Variants in GALNTL6 observed in about 807,000 individuals in gnomAD.
GALNTL6 encodes polypeptide N-acetylgalactosaminyltransferase like 6.
GALNTL6 carries 46 observed loss-of-function variants against 73.7 expected under a neutral mutation model. The observed-to-expected ratio is 0.62, with a 90% CI of 0.49 to 0.80. GALNTL6 has a LOEUF of 0.80. Among genes scored for constraint, GALNTL6 ranks in the 30% least tolerant of loss-of-function variants. The pLI is 0.00. For missense variants in GALNTL6, 604 were observed against 755.0 expected, an observed-to-expected ratio of 0.80 and a Z score of 2.34; for synonymous variants, 259 against 263.7, an observed-to-expected ratio of 0.98 and a Z score of 0.17.
At chr4:172,254,090 C>T (rs1159957640) in intron 3 of GALNTL6, among the ~76,000 whole-genome samples, 4 of 151,782 alleles carry the variant, frequency 2.6e-5, no homozygotes, top group African/African-American at 9.7e-5. Flanking sequence ...CTTACTACTA[C>T]TGATAGTGTA....
At chr4:172,865,822 T>C (rs1367308364) in intron 7 of GALNTL6, among the ~76,000 whole-genome samples, 2 of 152,210 alleles carry the variant, frequency 1.3e-5, no homozygotes, top group Non-Finnish European at 2.9e-5. Context: ...TTATCCTGGG[T>C]CTTTTCATCT....
intron 9 of GALNTL6, among the ~76,000 whole-genome samples, chr4:172,947,363 A>G (rs925796806): frequency 1.3e-5 from 2 of 152,132 alleles, no homozygotes; most frequent in South Asian, 2.1e-4. Context: ...ATGTGTGAAC[A>G]CCCCTGGGAA....
rs189257675 is a variant in GALNTL6, at chr4:172,334,634, A to G, written c.387-13889A>G. 1.6e-4 allele frequency among the ~76,000 whole-genome samples: 25 copies of G among 152,278 alleles called. No homozygotes were observed. The East Asian group carries it at 2.9e-3, about 18-fold the overall frequency. Reference sequence around the variant, plus strand: ...TTCTAGGAGCTGTTTGGCAAAGTCTATAGGGTTTTCTAGACATGTAATCAT... The same window carrying G: ...TTCTAGGAGCTGTTTGGCAAAGTCTGTAGGGTTTTCTAGACATGTAATCAT... On this transcript the variant is annotated intron_variant, in intron 4 of 12. Transcript: ENST00000506823.
intron 3 of GALNTL6, among the ~76,000 whole-genome samples, chr4:172,245,343 C>G (rs984214303): frequency 6.6e-6 from 1 of 152,114 alleles, no homozygotes; most frequent in Non-Finnish European, 1.5e-5. Flanking sequence ...TCTTGAAATT[C>G]CATGAAGTTA....
At chr4:172,446,954 G>A (rs1207380096) in intron 5 of GALNTL6, among the ~76,000 whole-genome samples, 3 of 152,228 alleles carry the variant, frequency 2.0e-5, no homozygotes, top group South Asian at 2.1e-4. Flanking sequence ...ATATTGCTTT[G>A]TGTGAAGTGG....
intron 2 of GALNTL6, among the ~76,000 whole-genome samples, chr4:171,908,737 A>G (rs1267011874): frequency 6.6e-6 from 1 of 150,962 alleles, no homozygotes; most frequent in Non-Finnish European, 1.5e-5. Flanking sequence ...AAGACTTGGA[A>G]CCAACCCAAA....
chr4:171,906,982 A>G (rs1737303913), intron 2 of GALNTL6, among the ~76,000 whole-genome samples: 1 of 152,112 alleles, frequency 6.6e-6, no homozygotes, highest in Non-Finnish European at 1.5e-5. Context: ...TTAGGTATTG[A>G]TGGGACGTAT....
chr4:172,287,317 C>G (rs1421880758), intron 3 of GALNTL6, among the ~76,000 whole-genome samples: 1 of 152,156 alleles, frequency 6.6e-6, no homozygotes, highest in Non-Finnish European at 1.5e-5. Flanking sequence ...GGGCTACCAA[C>G]CACAGCTAAT....
chr4:172,950,592 G>A lies in GALNTL6; in HGVS notation c.1150-1445G>A, dbSNP rs147292956. On this transcript the variant is annotated intron_variant, in intron 9 of 12. Transcript: ENST00000506823. ...ACTGAACACACGGAGTGGATGGAGC[G>A]GAGTAAGAAAATGTACAGTCTCATT... Among the ~76,000 whole-genome samples the A allele has an allele frequency of 1.4e-3, 215 of 152,230 alleles. 2 individuals carry two copies. In the East Asian group the frequency reaches 0.035, roughly 25 times the overall value.
At chr4:172,476,929 T>A in intron 5 of GALNTL6, among the ~76,000 whole-genome samples, 1 of 118,786 alleles carries the variant, frequency 8.4e-6, no homozygotes. Flanking sequence ...AGACTTTTTT[T>A]TTTTTTTTTT....
At chr4:172,420,284 T>C (rs1731005349) in intron 5 of GALNTL6, among the ~76,000 whole-genome samples, 1 of 152,174 alleles carries the variant, frequency 6.6e-6, no homozygotes, top group Non-Finnish European at 1.5e-5. Context: ...CCCTTCTACA[T>C]AGCATTAGGG....
chr4:172,260,284 G>A (rs868327899), intron 3 of GALNTL6, among the ~76,000 whole-genome samples: 5 of 151,840 alleles, frequency 3.3e-5, no homozygotes, highest in Middle Eastern at 3.4e-3. Flanking sequence ...GCAGTGTTTT[G>A]TAGTTTTCTG....
At chr4:172,325,745 C>T (rs1177554737) in intron 4 of GALNTL6, among the ~76,000 whole-genome samples, 1 of 151,530 alleles carries the variant, frequency 6.6e-6, no homozygotes, top group African/African-American at 2.4e-5. Flanking sequence ...TTTCCTAGAA[C>T]AATCACTAAA....
chr4:172,114,254 GA>G (rs1262131863), intron 2 of GALNTL6, among the ~76,000 whole-genome samples: 2 of 152,022 alleles, frequency 1.3e-5, no homozygotes, highest in Middle Eastern at 3.2e-3. Context: ...ATTTTTGTTA[GA>G]AAAGATGCTG....
intron 5 of GALNTL6, among the ~76,000 whole-genome samples, chr4:172,520,856 T>A (rs1734754097): frequency 6.6e-6 from 1 of 152,002 alleles, no homozygotes; most frequent in African/African-American, 2.4e-5. Context: ...ATTTTGTAGA[T>A]GTTCTATTTA....
At chr4:172,852,700 A>G (rs1021123934) in intron 7 of GALNTL6, among the ~76,000 whole-genome samples, 1 of 152,088 alleles carries the variant, frequency 6.6e-6, no homozygotes, top group Non-Finnish European at 1.5e-5. Flanking sequence ...GTGTTTATAT[A>G]CATAGGACTA....
In GALNTL6 at chr4:172,508,554, CTT is replaced by C. The variant is rs1734409360; in HGVS notation, c.553+159868_553+159869del. ...TGTACCCACTGTACCCAGCAATTAT[CTT>C]TTGCCCCCCTTCTCCCTGAGTCCCC... On this transcript the variant is annotated intron_variant, in intron 5 of 12. Transcript: ENST00000506823. Among the ~76,000 whole-genome samples, 2 of 53,666 alleles carry C rather than the reference CTT, an allele frequency of 3.7e-5. 1 individual carries two copies. Among genetic ancestry groups the C allele is most frequent in the South Asian group, 3.8e-3 (2 of 532 alleles). The allele number at this position is 53,666 out of a possible 152,430, so 35.2% of individuals were successfully genotyped here.
chr4:172,389,316 T>C (rs1378065894), intron 5 of GALNTL6, among the ~76,000 whole-genome samples: 4 of 152,000 alleles, frequency 2.6e-5, no homozygotes, highest in Non-Finnish European at 4.4e-5. Context: ...AAGAAAGATA[T>C]AATTAAAGTA....
At chr4:172,056,320 T>C (rs541952541) in intron 2 of GALNTL6, among the ~76,000 whole-genome samples, 1 of 152,282 alleles carries the variant, frequency 6.6e-6, no homozygotes, top group South Asian at 2.1e-4. Flanking sequence ...ATTATGTAAA[T>C]AGTTGTGTAG....
Sources: gnomAD v4.1 joint callset for allele counts (sites outside exome capture counted in the v4.1 genomes callset) on GRCh38, gnomAD v4.1.1 for gene constraint, MANE v1.5 for transcripts, NCBI Gene and HGNC (gene_info 2026-07-23, HGNC 2026-07-21) for gene names.